The following BICC1 variants were observed in gnomAD, a reference collection of about 807,000 sequenced individuals.
The protein encoded by BICC1 is protein bicaudal C homolog 1.
In BICC1, 43 loss-of-function variants were observed where a neutral mutation model predicts 111.0. That is an observed-to-expected ratio of 0.39 (90% CI 0.30 to 0.50). BICC1 has a LOEUF of 0.50. BICC1 is among the 20% of genes least tolerant of loss of function. The pLI, the probability that BICC1 is intolerant of heterozygous loss-of-function variation, is 0.88. For missense variants in BICC1, 1,091 were observed against 1,203.2 expected (o/e 0.91, Z 1.38); for synonymous variants, 467 against 434.4 (o/e 1.07, Z -0.93).
intron 3 of BICC1, among the ~76,000 whole-genome samples, chr10:58,731,380 C>T (rs1841290015): frequency 6.6e-6 from 1 of 152,226 alleles, no homozygotes; most frequent in Admixed American, 6.5e-5. Flanking sequence ...TCCCCCTCAT[C>T]TTCCTGTCTT....
chr10:58,531,288 C>T (rs1195347863), intron 1 of BICC1, among the ~76,000 whole-genome samples: 2 of 151,774 alleles, frequency 1.3e-5, no homozygotes, highest in Non-Finnish European at 2.9e-5. Context: ...TGCAAACAGA[C>T]ACCAGAGGGT....
chr10:58,797,673 C>T (rs758281298), intron 10 of BICC1, among the ~76,000 whole-genome samples: 4 of 152,074 alleles, frequency 2.6e-5, no homozygotes, highest in Non-Finnish European at 5.9e-5. Flanking sequence ...CATTGCTATA[C>T]CTATCCTGTT....
chr10:58,752,127 A>G (rs1222870332), intron 3 of BICC1, among the ~76,000 whole-genome samples: 2 of 152,266 alleles, frequency 1.3e-5, no homozygotes, highest in African/African-American at 4.8e-5. Flanking sequence ...TGGAAAAAAC[A>G]AAGAGCAAAC....
chr10:58,526,649 A>G (rs944162915), intron 1 of BICC1, among the ~76,000 whole-genome samples: 17 of 152,148 alleles, frequency 1.1e-4, no homozygotes, highest in African/African-American at 2.7e-4. Flanking sequence ...TCATTGTTCA[A>G]TTCCCACCTA....
intron 1 of BICC1, among the ~76,000 whole-genome samples, chr10:58,564,560 C>G (rs887311614): frequency 2.0e-5 from 3 of 152,160 alleles, no homozygotes; most frequent in African/African-American, 7.2e-5. Context: ...TGTTTTCTAC[C>G]TTTTCCCCTT....
At chr10:58,705,075 G>T (rs12244016) in intron 3 of BICC1, among the ~76,000 whole-genome samples, 1 of 152,196 alleles carries the variant, frequency 6.6e-6, no homozygotes, top group African/African-American at 2.4e-5. Flanking sequence ...CTGGCAAGAA[G>T]GCAAGCAGCC....
At chr10:58,557,810 C>A (rs1264996923) in intron 1 of BICC1, among the ~76,000 whole-genome samples, 1 of 151,814 alleles carries the variant, frequency 6.6e-6, no homozygotes, top group Non-Finnish European at 1.5e-5. Flanking sequence ...TGTAACAATT[C>A]TATGTTGGTT....
At chr10:58,731,200 A>G (rs1259113390) in intron 3 of BICC1, among the ~76,000 whole-genome samples, 1 of 152,216 alleles carries the variant, frequency 6.6e-6, no homozygotes, top group African/African-American at 2.4e-5. Flanking sequence ...GAGAACAACC[A>G]GGCAAGCTTT....
chr10:58,696,961 G>T (rs1840082190), intron 2 of BICC1, among the ~76,000 whole-genome samples: 1 of 152,116 alleles, frequency 6.6e-6, no homozygotes, highest in Admixed American at 6.5e-5. Context: ...TCTTCGTGGA[G>T]ATTTTGTGGC....
At chr10:58,744,286 T>C (rs1841761869) in intron 3 of BICC1, among the ~76,000 whole-genome samples, 1 of 152,152 alleles carries the variant, frequency 6.6e-6, no homozygotes, top group South Asian at 2.1e-4. Context: ...ATTGCTGTTT[T>C]AATAATGCCT....
chr10:58,725,527 G>A (rs9415576), intron 3 of BICC1, among the ~76,000 whole-genome samples: 1,555 of 152,284 alleles, frequency 0.01, 10 homozygotes, highest in Non-Finnish European at 0.016. Context: ...GGAGCAACGC[G>A]GAACTGTATT....
At chr10:58,714,924 A>G (rs1013985350) in intron 3 of BICC1, among the ~76,000 whole-genome samples, 3 of 151,982 alleles carry the variant, frequency 2.0e-5, no homozygotes, top group African/African-American at 7.2e-5. Flanking sequence ...CTGACTCGAT[A>G]ATTAGCCAGG....
chr10:58,774,038 C>A (rs2132733332), intron 3 of BICC1, among the ~76,000 whole-genome samples: 1 of 152,244 alleles, frequency 6.6e-6, no homozygotes, highest in South Asian at 2.1e-4. Context: ...TGAAAGAATT[C>A]CTTGTGTAGT....
intron 2 of BICC1, among the ~76,000 whole-genome samples, chr10:58,637,565 T>C (rs1837987828): frequency 6.6e-6 from 1 of 152,232 alleles, no homozygotes; most frequent in South Asian, 2.1e-4. Flanking sequence ...ACGCTTTGCT[T>C]TCAGCTTTTG....
At chr10:58,661,748 CAG>C in intron 2 of BICC1, among the ~76,000 whole-genome samples, 6 of 152,166 alleles carry the variant, frequency 3.9e-5, no homozygotes, top group Admixed American at 3.9e-4. Context: ...TGGAGGATAA[CAG>C]TGCTTTAAGT....
chr10:58,566,690 G>A (rs1360432267), intron 1 of BICC1, among the ~76,000 whole-genome samples: 1 of 151,888 alleles, frequency 6.6e-6, no homozygotes, highest in African/African-American at 2.4e-5. Context: ...TTTGACTATG[G>A]CCATTTTTGC....
At chr10:58,562,942 G>A (rs1011257032) in intron 1 of BICC1, among the ~76,000 whole-genome samples, 1 of 152,058 alleles carries the variant, frequency 6.6e-6, no homozygotes, top group East Asian at 1.9e-4. Context: ...TTTGGTGTGG[G>A]GCCTGCCAGG....
At chr10:58,717,747 T>C (rs1840793898) in intron 3 of BICC1, among the ~76,000 whole-genome samples, 1 of 152,246 alleles carries the variant, frequency 6.6e-6, no homozygotes, top group Non-Finnish European at 1.5e-5. Flanking sequence ...GCGTAAATTC[T>C]TAAAAGTAGA....
chr10:58,543,172 A>G (rs1843041846), intron 1 of BICC1, among the ~76,000 whole-genome samples: 1 of 152,130 alleles, frequency 6.6e-6, no homozygotes, highest in Non-Finnish European at 1.5e-5. Context: ...ATACAATGGA[A>G]TATTGCTCAG....
Sources: allele counts gnomAD v4.1 joint callset (sites outside exome capture counted in the v4.1 genomes callset), GRCh38; gene constraint gnomAD v4.1.1; transcripts MANE v1.5; gene names NCBI Gene and HGNC (gene_info 2026-07-23, HGNC 2026-07-21).